Variants in LRRC7 observed in about 807,000 individuals in gnomAD.
LRRC7 encodes the protein leucine-rich repeat-containing protein 7.
Under a neutral mutation model 175.7 loss-of-function variants are expected in LRRC7, and 23 were observed. The observed-to-expected ratio is 0.13, with a 90% CI of 0.09 to 0.19. LRRC7 has a LOEUF of 0.19. Ranked by LOEUF, LRRC7 falls within the 10% of genes least tolerant of loss-of-function variation. The pLI, the probability that LRRC7 is intolerant of heterozygous loss-of-function variation, is 1.00. For synonymous variants in LRRC7, 685 were observed against 680.9 expected, an observed-to-expected ratio of 1.01 and a Z score of -0.09; for missense variants, 1,354 against 1,904.7, an observed-to-expected ratio of 0.71 and a Z score of 5.38.
At chr1:69,943,827 T>C (rs1486580067) in intron 8 of LRRC7, among the ~76,000 whole-genome samples, 1 of 151,338 alleles carries the variant, frequency 6.6e-6, no homozygotes, top group Non-Finnish European at 1.5e-5. Flanking sequence ...AGAGGGAGAG[T>C]AGTTAAGTGT....
Position 70,138,333 on chromosome 1 carries a change from G to C in LRRC7, c.*16446G>C, listed in dbSNP as rs565065084. 1.3e-5 allele frequency: 2 copies of C among 152,250 alleles called. No individual in the cohort carries two copies. Among genetic ancestry groups the C allele is most frequent in the East Asian group, 1.9e-4 (1 of 5,184 alleles). 9.4% of individuals were successfully genotyped at this position (152,250 alleles called of 1,614,324 possible). ...CTTTGTATATTCAGTTGTCAACATGGAGAAGCCACCTTTTAAAAAAGATCA... is the reference window on the plus strand; with the variant it reads ...CTTTGTATATTCAGTTGTCAACATGCAGAAGCCACCTTTTAAAAAAGATCA... On this transcript the variant is annotated 3_prime_UTR_variant, in exon 27 of 27. Transcript: ENST00000651989.
intron 7 of LRRC7, among the ~76,000 whole-genome samples, chr1:69,885,000 C>A (rs1182678231): frequency 1.3e-5 from 2 of 149,038 alleles, no homozygotes; most frequent in Admixed American, 1.3e-4. Flanking sequence ...TTTTGATGTG[C>A]TGCTGGATTC....
intron 24 of LRRC7, among the ~76,000 whole-genome samples, chr1:70,085,427 T>C (rs1327591595): frequency 6.6e-6 from 1 of 152,168 alleles, no homozygotes; most frequent in Non-Finnish European, 1.5e-5. Flanking sequence ...TTTGTCAAAA[T>C]CATCTGACTA....
intron 7 of LRRC7, among the ~76,000 whole-genome samples, chr1:69,892,410 A>C (rs1196994335): frequency 3.9e-5 from 6 of 152,202 alleles, no homozygotes; most frequent in African/African-American, 1.4e-4. Flanking sequence ...ATGAGTTAAA[A>C]ACTCAAATGA....
chr1:69,892,545 T>C (rs1645866852), intron 7 of LRRC7, among the ~76,000 whole-genome samples: 1 of 152,178 alleles, frequency 6.6e-6, no homozygotes, highest in Non-Finnish European at 1.5e-5. Context: ...CATGAAATCG[T>C]ATGAATTACG....
At chr1:69,825,493 C>T (rs1679799948) in intron 4 of LRRC7, among the ~76,000 whole-genome samples, 1 of 151,880 alleles carries the variant, frequency 6.6e-6, no homozygotes, top group South Asian at 2.1e-4. Context: ...ACACAATTGT[C>T]CTCAATTTTA....
At chr1:69,678,027 C>G (rs1660013515) in intron 1 of LRRC7, among the ~76,000 whole-genome samples, 1 of 152,084 alleles carries the variant, frequency 6.6e-6, no homozygotes, top group Non-Finnish European at 1.5e-5. Context: ...ATAACCTCCT[C>G]TAAAACTAAT....
chr1:70,035,293 C>T (rs1427163934), intron 18 of LRRC7, among the ~76,000 whole-genome samples: 1 of 152,070 alleles, frequency 6.6e-6, no homozygotes, highest in Non-Finnish European at 1.5e-5. Context: ...ATTTTACCTT[C>T]CCCTAATGCT....
chr1:69,638,516 T>C (rs75244240), intron 1 of LRRC7, among the ~76,000 whole-genome samples: 2,242 of 151,842 alleles, frequency 0.015, 59 homozygotes, highest in African/African-American at 0.051. Flanking sequence ...TTGATTCCTA[T>C]AATGGATGAA....
intron 7 of LRRC7, among the ~76,000 whole-genome samples, chr1:69,852,833 A>T (rs1346693301): frequency 6.6e-6 from 1 of 152,208 alleles, no homozygotes; most frequent in East Asian, 1.9e-4. Context: ...TGTAAAATGA[A>T]AATGTGTTCT....
intron 2 of LRRC7, among the ~76,000 whole-genome samples, chr1:69,728,802 G>C (rs1294414697): frequency 2.6e-5 from 4 of 152,144 alleles, no homozygotes; most frequent in African/African-American, 4.8e-5. Context: ...GGAATAAATT[G>C]CTGAAGAGCA....
chr1:69,931,412 A>C, intron 7 of LRRC7, 95 bp from the exon 8 acceptor site: 1 of 931,642 alleles, frequency 1.1e-6, no homozygotes, highest in South Asian at 1.4e-5. Flanking sequence ...TGTACTACGC[A>C]ATCAGGTAAA....
At chr1:69,754,743 A>T (rs2100911969) in intron 2 of LRRC7, among the ~76,000 whole-genome samples, 1 of 152,166 alleles carries the variant, frequency 6.6e-6, no homozygotes, top group South Asian at 2.1e-4. Context: ...AATTATGTGC[A>T]TGTGACATAC....
chr1:69,894,531 T>G (rs12032656), intron 7 of LRRC7, among the ~76,000 whole-genome samples: 21,688 of 152,212 alleles, frequency 0.14, 2,278 homozygotes, highest in African/African-American at 0.3. Flanking sequence ...AATTGCCATC[T>G]AATAAACTGA....
At chr1:69,598,181 C>T (rs888834860) in intron 1 of LRRC7, among the ~76,000 whole-genome samples, 2 of 152,098 alleles carry the variant, frequency 1.3e-5, no homozygotes, top group African/African-American at 4.8e-5. Flanking sequence ...GCTTTTCCTA[C>T]TCTGCTGCTA....
Position 70,028,306 on chromosome 1 carries a change from G to A in LRRC7, c.1930G>A (p.Glu644Lys). 6.2e-7 allele frequency: 1 copy of A among 1,613,768 alleles called. No homozygotes were observed. Among genetic ancestry groups the A allele is most frequent in the Non-Finnish European group, 8.5e-7 (1 of 1,179,796 alleles). Residue 644 changes from glutamate (E) to lysine (K), a missense_variant, in exon 18 of 27, where the codon GAG becomes AAG. By Grantham distance (56) the Glu-to-Lys change is moderately conservative. Coordinates refer to ENST00000651989, the MANE Select transcript of LRRC7 (RefSeq NM_001370785.2). Reference protein sequence around the residue: ...VENSNPTANTEQTVKEKYEHK... With the variant: ...VENSNPTANTKQTVKEKYEHK... ...GAATTCAAATCCAACTGCTAACACG[G>A]AGCAAACTGTGAAAGAAAAATATGA...
intron 1 of LRRC7, among the ~76,000 whole-genome samples, chr1:69,570,818 TA>T (rs1456451018): frequency 1.3e-5 from 2 of 152,174 alleles, no homozygotes; most frequent in African/African-American, 4.8e-5. Flanking sequence ...GTCATATGGC[TA>T]AAGTATATTG....
chr1:69,798,981 G>C (rs916878789), intron 4 of LRRC7, among the ~76,000 whole-genome samples: 1 of 150,574 alleles, frequency 6.6e-6, no homozygotes, highest in South Asian at 2.1e-4. Flanking sequence ...TTCTTTTTTT[G>C]TTTTTGTTGG....
rs1666330686 is a variant in LRRC7 at position 70,124,006 on chromosome 1, T to C, written c.*2119T>C. On this transcript the variant is annotated 3_prime_UTR_variant, in exon 27 of 27. Coordinates refer to ENST00000651989, the MANE Select transcript of LRRC7 (RefSeq NM_001370785.2). ...AACCCAGGGCTTCAGGAGATCCTTC[T>C]AAGACACACAGCTGAAAGGATCATA... 6.6e-6 allele frequency among the ~76,000 whole-genome samples: 1 copy of C among 152,180 alleles called. No individual in the cohort carries two copies. Among genetic ancestry groups the C allele is most frequent in the Non-Finnish European group, 1.5e-5 (1 of 68,026 alleles).
Sources: gnomAD v4.1 joint callset for allele counts (sites outside exome capture counted in the v4.1 genomes callset) on GRCh38, gnomAD v4.1.1 for gene constraint, MANE v1.5 for transcripts, NCBI Gene and HGNC (gene_info 2026-07-23, HGNC 2026-07-21) for gene names.